Variants in ZNF326 observed in about 807,000 individuals in gnomAD.
ZNF326 encodes zinc finger protein 326, also known as DBIRD complex subunit ZNF326.
A neutral mutation model predicts 63.1 loss-of-function variants in ZNF326; 30 were observed. The ratio of observed to expected loss-of-function variants is 0.48; its 90% CI spans 0.36 to 0.64. ZNF326 has a LOEUF of 0.64. Ranked by LOEUF, ZNF326 falls within the 30% of genes least tolerant of loss-of-function variation. The probability of loss-of-function intolerance (pLI) is 0.00; values close to 1 mark genes in which losing one functional copy is unlikely to be tolerated. For missense variants in ZNF326, 609 were observed against 720.3 expected (o/e 0.85, Z 1.77); for synonymous variants, 194 against 228.2 (o/e 0.85, Z 1.35).
At chr1:90,004,031 T>C (rs1177911638) in intron 2 of ZNF326, among the ~76,000 whole-genome samples, 1 of 152,202 alleles carries the variant, frequency 6.6e-6, no homozygotes, top group East Asian at 1.9e-4. Context: ...AAGGACTTTA[T>C]AGAAAACAAA....
At chr1:90,013,804 C>G (rs1649365431) in intron 7 of ZNF326, among the ~76,000 whole-genome samples, 1 of 151,784 alleles carries the variant, frequency 6.6e-6, no homozygotes, top group African/African-American at 2.4e-5. Flanking sequence ...TGGCTCATGC[C>G]TGTAATCCCA....
At chr1:90,023,928 C>G (rs1649889197) in intron 11 of ZNF326, among the ~76,000 whole-genome samples, 1 of 152,130 alleles carries the variant, frequency 6.6e-6, no homozygotes, top group Non-Finnish European at 1.5e-5. Flanking sequence ...CTTGGGAGCT[C>G]ATTAGAAATG....
At chr1:90,020,448 C>T (rs574003176) in intron 9 of ZNF326, among the ~76,000 whole-genome samples, 31 of 152,156 alleles carry the variant, frequency 2.0e-4, no homozygotes, top group African/African-American at 7.2e-4. Flanking sequence ...TCTTACTCAT[C>T]CACATTCATA....
At position 90,030,578 on chromosome 1, in the gene ZNF326, G is replaced by A. The variant is rs1650225231; in HGVS notation, c.*2877G>A. On this transcript the variant is annotated 3_prime_UTR_variant, in exon 12 of 12. Coordinates refer to ENST00000340281, the MANE Select transcript of ZNF326 (RefSeq NM_182976.4). ...TCACCTTAAATGTTAGAAAAGGGGA[G>A]TAGTTCTAAAATGTTTGTAGAAACG... 1.3e-5 allele frequency: 2 copies of A among 151,850 alleles called. No homozygotes were observed. Among genetic ancestry groups the A allele is most frequent in the Non-Finnish European group, 2.9e-5 (2 of 67,994 alleles). 9.4% of individuals were successfully genotyped at this position (151,850 alleles called of 1,614,324 possible).
At chr1:90,010,699 C>T (rs1292024073) in intron 6 of ZNF326, among the ~76,000 whole-genome samples, 1 of 152,050 alleles carries the variant, frequency 6.6e-6, no homozygotes, top group African/African-American at 2.4e-5. Context: ...TCATTTTTCC[C>T]TTTTATTTTA....
Position 90,017,315 on chromosome 1 carries a change from A to T in ZNF326, c.927-2A>T. ...AAAGGAAAACTTTTTTTTCTCTTAC[A>T]GAATGGCATTTACATGTTCATTTTG... On this transcript the variant is annotated splice_acceptor_variant, in intron 7 of 11. Coordinates refer to ENST00000340281, the MANE Select transcript of ZNF326 (RefSeq NM_182976.4). LOFTEE classifies it high-confidence loss of function. 6.3e-7 allele frequency: 1 copy of T among 1,577,746 alleles called. No homozygotes were observed. The highest frequency in any genetic ancestry group is 2.0e-5 in the Admixed American group (1 of 49,736).
intron 2 of ZNF326, 127 bp downstream of exon 2, chr1:89,998,281 T>C (rs1648501363): frequency 1.3e-6 from 1 of 769,272 alleles, no homozygotes. Context: ...TAATATTGTC[T>C]TACTATATAT....
chr1:90,027,518 G>A lies in ZNF326; in HGVS notation c.1566G>A (p.Glu522=). 6.2e-7 allele frequency: 1 copy of A among 1,612,148 alleles called. No individual in the cohort carries two copies. Among genetic ancestry groups the A allele is most frequent in the South Asian group, 1.1e-5 (1 of 90,894 alleles). Residue 522 remains glutamate (E), a synonymous_variant, in exon 12 of 12, where the codon GAG becomes GAA. Transcript: ENST00000340281. The stretch of plus-strand genomic sequence containing the variant: ...AAGTAGAGGAAGTGGAAGAAGTAGA[G>A]GAAGTGAGAGAAGGAGGAATAGAGG... ...VGEVEEVEEV[E]EVREGGIEGE...
rs985637021 is a variant in ZNF326, at chr1:90,028,991, A to G, written c.*1290A>G. On this transcript the variant is annotated 3_prime_UTR_variant, in exon 12 of 12. Transcript: ENST00000340281. ...GCTAATTTTTGTAGTTTTTGTAGAG[A>G]CAGGGTTTTACCATGTTGTCCAGGC... is the stretch of plus-strand genomic sequence containing the variant. The G allele has an allele frequency of 6.6e-6, 1 of 151,944 alleles. No homozygotes were observed. The highest frequency in any genetic ancestry group is 2.4e-5 in the African/African-American group (1 of 41,316). 9.4% of individuals were successfully genotyped at this position (151,944 alleles called of 1,614,324 possible).
chr1:90,022,455 G>GAATA, intron 11 of ZNF326, 110 bp downstream of exon 11: 1 of 800,850 alleles, frequency 1.2e-6, no homozygotes, highest in Non-Finnish European at 2.0e-6. Flanking sequence ...ATATTAAGAA[G>GAATA]AATTTTACTC....
chr1:90,009,000 T>C (rs1156861006), intron 5 of ZNF326, among the ~76,000 whole-genome samples: 1 of 152,190 alleles, frequency 6.6e-6, no homozygotes, highest in Non-Finnish European at 1.5e-5. Flanking sequence ...ATAGTTGGGA[T>C]GATAGGCTTT....
Position 90,010,290 on chromosome 1 carries a change from A to C in ZNF326, c.814+4A>C, listed in dbSNP as rs757443425. 8 of 1,611,672 alleles carry C rather than the reference A, an allele frequency of 5.0e-6. No homozygotes were observed. The highest frequency in any genetic ancestry group is 1.7e-6 in the Non-Finnish European group (2 of 1,179,188). On this transcript the variant is annotated splice_donor_region_variant and intron_variant, in intron 6 of 11. Transcript: ENST00000340281. ...ATAAGCCTCAGCAAATCACCCAGTA[A>C]GTAAGAAAACATAATTGCTATGATT... is the stretch of plus-strand genomic sequence containing the variant.
Position 90,007,229 on chromosome 1 carries a change from C to A in ZNF326, c.210-116C>A. 2 of 1,085,562 alleles carry A rather than the reference C, an allele frequency of 1.8e-6. No homozygotes were observed. Among genetic ancestry groups the A allele is most frequent in the African/African-American group, 1.6e-5 (1 of 63,646 alleles). The allele number at this position is 1,085,562 out of a possible 1,614,324, so 67.2% of individuals were successfully genotyped here. Reference sequence around the variant, plus strand: ...GTGAACAAAAGTAGAACTGTGCAAACCAGTATGGTATAAATGAATTTTAGT... The same window carrying A: ...GTGAACAAAAGTAGAACTGTGCAAAACAGTATGGTATAAATGAATTTTAGT... On this transcript the variant is annotated intron_variant, in intron 4 of 11. Transcript: ENST00000340281. The surrounding 1 kb of genome is among the most constrained non-coding windows in gnomAD (Gnocchi z 4.9).
rs756098463 is a variant in ZNF326, at chr1:90,007,951, T to C, written c.615+201T>C. Among the ~76,000 whole-genome samples, 3 of 152,220 alleles carry C rather than the reference T, an allele frequency of 2.0e-5. No homozygotes were observed. The highest frequency in any genetic ancestry group is 4.4e-5 in the Non-Finnish European group (3 of 68,030). On this transcript the variant is annotated intron_variant, in intron 5 of 11. Transcript: ENST00000340281. The surrounding 1 kb of genome is among the most constrained non-coding windows in gnomAD (Gnocchi z 4.9). ...AATAAGTGGCAGTTTGAGATGATCA[T>C]AAAGTTGTGCCAAATCTCCCTTTAT...
chr1:90,016,141 G>T, intron 7 of ZNF326, among the ~76,000 whole-genome samples: 1 of 151,962 alleles, frequency 6.6e-6, no homozygotes, highest in African/African-American at 2.4e-5. Context: ...TGTTCTAAGG[G>T]CTTTGTCTGC....
intron 5 of ZNF326, among the ~76,000 whole-genome samples, chr1:90,009,204 C>T (rs79255129): frequency 2.0e-3 from 308 of 152,214 alleles, no homozygotes; most frequent in African/African-American, 6.9e-3. Context: ...TTTCTTTCCT[C>T]CTGTTAGTGA....
chr1:89,997,306 A>G (rs1648425424), intron 1 of ZNF326, among the ~76,000 whole-genome samples: 1 of 152,226 alleles, frequency 6.6e-6, no homozygotes, highest in Non-Finnish European at 1.5e-5. Flanking sequence ...TTCAGTGATG[A>G]CACATTCTGC....
rs139710910 is a variant in ZNF326 at position 90,007,413 on chromosome 1, A to G, written c.278A>G (p.Tyr93Cys). 3.7e-6 allele frequency: 6 copies of G among 1,614,074 alleles called. No homozygotes were observed. Among genetic ancestry groups the G allele is most frequent in the Admixed American group, 1.7e-5 (1 of 60,022 alleles). Residue 93 changes from tyrosine (Y) to cysteine (C), a missense_variant, in exon 5 of 12, where the codon TAT (tyrosine) becomes TGT (cysteine). Around this residue, in one of 3 missense-constraint regions of ZNF326, gnomAD observed 113 missense variants for 187.4 expected, o/e 0.60. Coordinates refer to ENST00000340281, the MANE Select transcript of ZNF326 (RefSeq NM_182976.4). This position sits in a 1 kb window ranked among gnomAD's most constrained non-coding sequence, Gnocchi z 4.9. ...GGGCGAGATCTGTACAGATCTGGCT[A>G]TGGTTTTAATGAACCCGAACAAAGC... The part of the protein sequence containing the change: ...LGGRDLYRSG[Y>C]GFNEPEQSRF...
rs754238369 is a variant in ZNF326 at position 90,017,388 on chromosome 1, G to A, written c.998G>A (p.Ser333Asn). Residue 333 changes from serine to asparagine, a missense_variant, in exon 8 of 12, where the codon AGT becomes AAT. This residue lies in a region of ZNF326 where 399 missense variants were observed against 444.3 expected (regional missense o/e 0.90). Transcript: ENST00000340281. ...EEKDIELHLE[S>N]SSHQETLDHI... ...AAAGATATTGAACTGCATCTGGAAAGTTCTTCACATCAGGAAACATTAGAT... is the reference window on the plus strand; with the variant it reads ...AAAGATATTGAACTGCATCTGGAAAATTCTTCACATCAGGAAACATTAGAT... 9 of 1,607,308 alleles carry A rather than the reference G, an allele frequency of 5.6e-6. No individual in the cohort carries two copies. The East Asian group carries it at 1.3e-4, about 24-fold the overall frequency.
Sources: allele counts gnomAD v4.1 joint callset (sites outside exome capture counted in the v4.1 genomes callset), GRCh38; gene constraint gnomAD v4.1.1; regional missense constraint gnomAD v4.1.1; non-coding constraint Gnocchi (gnomAD v3.1); transcripts MANE v1.5; gene names NCBI Gene and HGNC (gene_info 2026-07-23, HGNC 2026-07-21).